PDZD2: variants seen among roughly 807,000 people sequenced by gnomAD.
PDZD2 encodes the protein PDZ domain containing 2, also known as PDZ domain-containing protein 2.
In PDZD2, 90 loss-of-function variants were observed where a neutral mutation model predicts 220.7. The ratio of observed to expected loss-of-function variants is 0.41; its 90% CI spans 0.34 to 0.49. The LOEUF is 0.49. PDZD2 is among the 20% of genes least tolerant of loss of function. The pLI, the probability that PDZD2 is intolerant of heterozygous loss-of-function variation, is 0.28. For missense variants in PDZD2, 3,174 were observed against 3,608.5 expected (o/e 0.88, Z 3.08); for synonymous variants, 1,375 against 1,450.5 (o/e 0.95, Z 1.18).
At chr5:31,941,894 C>G (rs1746243824) in intron 2 of PDZD2, among the ~76,000 whole-genome samples, 1 of 152,184 alleles carries the variant, frequency 6.6e-6, no homozygotes, top group Non-Finnish European at 1.5e-5. Flanking sequence ...TTTGTTGCCA[C>G]TGGGATTTCA....
At chr5:31,787,066 G>A (rs531198022) in intron 1 of PDZD2, among the ~76,000 whole-genome samples, 1 of 152,220 alleles carries the variant, frequency 6.6e-6, no homozygotes, top group East Asian at 1.9e-4. Context: ...GAATGAGTGG[G>A]TTGGTAGTAT....
At chr5:32,023,715 A>G (rs573564470) in intron 6 of PDZD2, among the ~76,000 whole-genome samples, 1 of 152,180 alleles carries the variant, frequency 6.6e-6, no homozygotes, top group African/African-American at 2.4e-5. Context: ...TCAAGTCTTC[A>G]TAACGACTCT....
rs1580549625 is a variant in PDZD2 at position 31,675,993 on chromosome 5, T to C, written c.-361+36556T>C. On this transcript the variant is annotated intron_variant, in intron 1 of 24. Transcript: ENST00000438447. Reference sequence around the variant, plus strand: ...TTGGGATTACAGGCGTGAGCCACCGTGCCCAGCCTCCTTGAAGAACTTTGA... The same window carrying C: ...TTGGGATTACAGGCGTGAGCCACCGCGCCCAGCCTCCTTGAAGAACTTTGA... Among the ~76,000 whole-genome samples the C allele has an allele frequency of 2.6e-5, 4 of 152,296 alleles. No individual in the cohort carries two copies. The South Asian group carries it at 8.3e-4, about 32-fold the overall frequency.
Position 32,052,709 on chromosome 5 carries a change from G to A in PDZD2, c.1764G>A (p.Gly588=). 1 of 1,614,098 alleles carries A rather than the reference G, an allele frequency of 6.2e-7. No homozygotes were observed. The highest frequency in any genetic ancestry group is 8.5e-7 in the Non-Finnish European group (1 of 1,179,910). The change falls in exon 9 of 25, where the codon GGG becomes GGA. Residue 588 remains glycine, a synonymous_variant. Coordinates refer to ENST00000438447, the MANE Select transcript of PDZD2 (RefSeq NM_178140.4). ...GGCCATCCGTCATCTCGATCATTGG[G>A]TTGTACAAAGAAAAAGGCAAGGTGA... ...LIRPSVISII[G]LYKEKGKGLG... is the part of the protein sequence containing the mutation.
chr5:31,837,739 T>C (rs574742167), intron 2 of PDZD2, among the ~76,000 whole-genome samples: 2 of 151,752 alleles, frequency 1.3e-5, no homozygotes, highest in South Asian at 4.2e-4. Context: ...AAATAAAAAT[T>C]AGCCGGGCAT....
intron 6 of PDZD2, among the ~76,000 whole-genome samples, chr5:32,032,009 T>G (rs1245287607): frequency 6.6e-6 from 1 of 152,212 alleles, no homozygotes; most frequent in African/African-American, 2.4e-5. Context: ...AGAACAAGTT[T>G]CCATAAATCA....
intron 6 of PDZD2, among the ~76,000 whole-genome samples, chr5:32,032,083 G>A (rs1249628671): frequency 6.6e-6 from 1 of 152,194 alleles, no homozygotes; most frequent in Non-Finnish European, 1.5e-5. Flanking sequence ...TTGTTGGCTG[G>A]TGGGCTACTC....
chr5:31,968,575 C>T (rs181226423), intron 2 of PDZD2, among the ~76,000 whole-genome samples: 8 of 152,088 alleles, frequency 5.3e-5, no homozygotes, highest in African/African-American at 1.9e-4. Context: ...ATTGCTTGAA[C>T]CCAGGAGGCG....
At chr5:31,712,419 G>A (rs35855902) in intron 1 of PDZD2, among the ~76,000 whole-genome samples, 24,268 of 151,146 alleles carry the variant, frequency 0.16, 2,005 homozygotes, top group South Asian at 0.18. Context: ...GGACGACTGG[G>A]TTCAGCTGGG....
chr5:32,089,665 G>A lies in PDZD2; in HGVS notation c.6217G>A (p.Glu2073Lys), dbSNP rs780686264. The A allele has an allele frequency of 1.2e-5, 20 of 1,613,996 alleles. No individual in the cohort carries two copies. Among genetic ancestry groups the A allele is most frequent in the African/African-American group, 4.0e-5 (3 of 74,928 alleles). The part of the protein sequence containing the change: ...ADTAQPRPTG[E>K]KGGNIMASDR... ...CACAGCCCAACCCAGGCCGACTGGC[G>A]AAAAAGGAGGCAACATAATGGCCAG... is the stretch of plus-strand genomic sequence containing the variant. The change falls in exon 20 of 25, where the codon GAA becomes AAA. Residue 2073 changes from glutamate to lysine, a missense_variant. Around this residue, in one of 4 missense-constraint regions of PDZD2, gnomAD observed 1,861 missense variants for 2,001.0 expected, o/e 0.93. Coordinates refer to ENST00000438447, the MANE Select transcript of PDZD2 (RefSeq NM_178140.4).
chr5:31,968,558 C>A (rs2111757197), intron 2 of PDZD2, among the ~76,000 whole-genome samples: 1 of 151,986 alleles, frequency 6.6e-6, no homozygotes, highest in Non-Finnish European at 1.5e-5. Context: ...GAGGTTGAGG[C>A]AGGAAAATTG....
chr5:31,649,444 G>A (rs1745258038), intron 1 of PDZD2, among the ~76,000 whole-genome samples: 1 of 151,558 alleles, frequency 6.6e-6, no homozygotes, highest in African/African-American at 2.4e-5. Flanking sequence ...TGATCTAACA[G>A]GAAACAGGAC....
intron 3 of PDZD2, among the ~76,000 whole-genome samples, chr5:31,985,792 C>A (rs565382751): frequency 6.6e-6 from 1 of 152,002 alleles, no homozygotes; most frequent in Non-Finnish European, 1.5e-5. Flanking sequence ...TAAAATTGAA[C>A]TTCTGGCCGG....
chr5:31,855,959 A>G (rs911354797), intron 2 of PDZD2, among the ~76,000 whole-genome samples: 3 of 152,130 alleles, frequency 2.0e-5, no homozygotes, highest in African/African-American at 7.2e-5. Context: ...CATCCTGGGA[A>G]CCATGTCTGG....
At chr5:32,007,709 T>C (rs1263144351) in intron 5 of PDZD2, among the ~76,000 whole-genome samples, 1 of 152,240 alleles carries the variant, frequency 6.6e-6, no homozygotes, top group East Asian at 1.9e-4. Flanking sequence ...AGACGTTCTG[T>C]GTGTTTCCTT....
chr5:31,893,260 T>C (rs901207366), intron 2 of PDZD2, among the ~76,000 whole-genome samples: 2 of 152,116 alleles, frequency 1.3e-5, no homozygotes, highest in Non-Finnish European at 2.9e-5. Flanking sequence ...CTGCCATTGA[T>C]TGTGGTTCGC....
chr5:31,982,451 G>T (rs1750373555), intron 2 of PDZD2, among the ~76,000 whole-genome samples: 1 of 152,168 alleles, frequency 6.6e-6, no homozygotes, highest in African/African-American at 2.4e-5. Context: ...GGGATTACAG[G>T]CAGGGACCAC....
At chr5:31,873,557 ATT>A (rs1392441079) in intron 2 of PDZD2, among the ~76,000 whole-genome samples, 1 of 149,914 alleles carries the variant, frequency 6.7e-6, no homozygotes, top group Admixed American at 6.7e-5. Context: ...TTATTTATTT[ATT>A]TATTTATTTA....
chr5:32,033,535 C>CTT (rs1755283279), intron 6 of PDZD2, among the ~76,000 whole-genome samples: 1 of 152,140 alleles, frequency 6.6e-6, no homozygotes, highest in Non-Finnish European at 1.5e-5. Flanking sequence ...ACAGCAAGAG[C>CTT]TCTCTGCTTG....
Sources: allele counts gnomAD v4.1 joint callset (sites outside exome capture counted in the v4.1 genomes callset), GRCh38; gene constraint gnomAD v4.1.1; regional missense constraint gnomAD v4.1.1; transcripts MANE v1.5; gene names NCBI Gene and HGNC (gene_info 2026-07-23, HGNC 2026-07-21).